PARP8: variants seen among roughly 807,000 people sequenced by gnomAD.
PARP8 encodes protein mono-ADP-ribosyltransferase PARP8.
In PARP8, 51 loss-of-function variants were observed where a neutral mutation model predicts 124.1. The observed-to-expected ratio is 0.41, with a 90% CI of 0.33 to 0.52. The LOEUF is 0.52. Among genes scored for constraint, PARP8 ranks in the 20% least tolerant of loss-of-function variants. The probability of loss-of-function intolerance (pLI) is 0.21; values close to 1 mark genes in which losing one functional copy is unlikely to be tolerated. For synonymous variants in PARP8, 391 were observed against 361.5 expected (o/e 1.08, Z -0.93); for missense variants, 860 against 1,018.9 (o/e 0.84, Z 2.12).
chr5:50,761,633 G>A (rs933055986), intron 5 of PARP8, among the ~76,000 whole-genome samples, 188 bp from the exon 6 acceptor site: 7 of 151,998 alleles, frequency 4.6e-5, no homozygotes, highest in Non-Finnish European at 8.8e-5. Context: ...AAACAGGTGT[G>A]CTGCTGAATA....
chr5:50,818,166 A>G (rs1463292468), intron 15 of PARP8, among the ~76,000 whole-genome samples: 10 of 144,718 alleles, frequency 6.9e-5, no homozygotes, highest in Admixed American at 6.8e-4. Flanking sequence ...GTGGGGAAAT[A>G]TATCATTTAG....
At chr5:50,684,195 C>T (rs1341477109) in intron 2 of PARP8, among the ~76,000 whole-genome samples, 1 of 152,044 alleles carries the variant, frequency 6.6e-6, no homozygotes, top group Non-Finnish European at 1.5e-5. Flanking sequence ...GTCTGATTCT[C>T]TTTGGGTTTG....
At chr5:50,767,457 G>A (rs894144834) in intron 7 of PARP8, among the ~76,000 whole-genome samples, 5 of 152,138 alleles carry the variant, frequency 3.3e-5, no homozygotes, top group South Asian at 2.1e-4. Context: ...CCCAAACCAC[G>A]GGGACATAAT....
rs1463676125 is a variant in PARP8, at chr5:50,714,747, A to G, written c.147-35404A>G. On this transcript the variant is annotated intron_variant, in intron 2 of 25. Transcript: ENST00000281631. ...GAAGGAACCAGGGCTTTCCAACTCT[A>G]TGTGCAGCCTTCCAAGCAGCCCCTG... Among the ~76,000 whole-genome samples the G allele has an allele frequency of 2.0e-5, 3 of 152,166 alleles. No individual in the cohort carries two copies. The South Asian group carries it at 6.2e-4, about 32-fold the overall frequency.
intron 2 of PARP8, among the ~76,000 whole-genome samples, chr5:50,699,334 C>G (rs1336827680): frequency 6.6e-6 from 1 of 152,176 alleles, no homozygotes; most frequent in African/African-American, 2.4e-5. Flanking sequence ...AGTCCGTTCC[C>G]TAAAGGACAT....
At chr5:50,671,795 G>A (rs1750056622) in intron 2 of PARP8, among the ~76,000 whole-genome samples, 1 of 152,014 alleles carries the variant, frequency 6.6e-6, no homozygotes, top group Admixed American at 6.5e-5. Flanking sequence ...GTATGACTCT[G>A]TATAATAATA....
Position 50,731,584 on chromosome 5 carries a change from G to A in PARP8, c.147-18567G>A, listed in dbSNP as rs368996881. ...TTGTAAGGATATATTCATCCTGATC[G>A]TAGTATGATGGGAAATGTTATTTTT... On this transcript the variant is annotated intron_variant, in intron 2 of 25. Transcript: ENST00000281631. 9.9e-5 allele frequency among the ~76,000 whole-genome samples: 15 copies of A among 152,274 alleles called. No individual in the cohort carries two copies. In the South Asian group the frequency reaches 2.7e-3, roughly 27 times the overall value.
rs541719804 is a variant in PARP8, at chr5:50,774,483, C to T, written c.519-3586C>T. ...GCAGAGGCGCTCCTCACTTCCCAGA[C>T]GGGGCGGCCGGGCAGAGGCGCTCCT... On this transcript the variant is annotated intron_variant, in intron 7 of 25. Coordinates refer to ENST00000281631, the MANE Select transcript of PARP8 (RefSeq NM_024615.4). Among the ~76,000 whole-genome samples the T allele has an allele frequency of 3.7e-3, 551 of 147,620 alleles. 1 individual carries two copies. The highest frequency in any genetic ancestry group is 6.6e-3 in the African/African-American group (266 of 40,100).
intron 2 of PARP8, among the ~76,000 whole-genome samples, chr5:50,721,478 G>A (rs750549076): frequency 4.0e-4 from 61 of 152,104 alleles, no homozygotes; most frequent in Non-Finnish European, 7.1e-4. Context: ...AACTGACAGA[G>A]TTGAGAGAGA....
intron 21 of PARP8, among the ~76,000 whole-genome samples, chr5:50,828,775 A>C (rs923052991): frequency 1.3e-5 from 2 of 151,576 alleles, no homozygotes; most frequent in Non-Finnish European, 2.9e-5. Flanking sequence ...GCACATGCCT[A>C]CAATTGAAGC....
chr5:50,710,328 T>A (rs1263632565), intron 2 of PARP8, among the ~76,000 whole-genome samples: 1 of 152,066 alleles, frequency 6.6e-6, no homozygotes, highest in Non-Finnish European at 1.5e-5. Flanking sequence ...CTTTCATGGA[T>A]CTTTTCTTAG....
chr5:50,830,017 T>C, intron 22 of PARP8, 56 bp downstream of exon 22: 2 of 1,578,194 alleles, frequency 1.3e-6, no homozygotes, highest in Non-Finnish European at 1.7e-6. Context: ...ATTTTCTTAT[T>C]GTTTATACTC....
rs1760348793 is a variant in PARP8, at chr5:50,759,698, G to A, written c.240G>A (p.Glu80=). Residue 80 remains glutamate (E), a synonymous_variant, in exon 4 of 26, where the codon GAG becomes GAA. Coordinates refer to ENST00000281631, the MANE Select transcript of PARP8 (RefSeq NM_024615.4). ...ENDEDVLVTT[E]PIPVIFHRIA... ...ATGAAGATGTGCTAGTTACTACAGAGCCAATACCAGTAATTTTTCATAGAA... is the reference window on the plus strand; with the variant it reads ...ATGAAGATGTGCTAGTTACTACAGAACCAATACCAGTAATTTTTCATAGAA... The A allele has an allele frequency of 1.3e-6, 2 of 1,578,462 alleles. No homozygotes were observed. The highest frequency in any genetic ancestry group is 2.8e-5 in the African/African-American group (2 of 71,780).
rs1226607704 is a variant in PARP8, at chr5:50,795,380, T to A, written c.1391T>A (p.Ile464Asn). 6.2e-7 allele frequency: 1 copy of A among 1,604,564 alleles called. No individual in the cohort carries two copies. Among genetic ancestry groups the A allele is most frequent in the Non-Finnish European group, 8.5e-7 (1 of 1,177,260 alleles). Reference sequence around the variant, plus strand: ...TCTCTTACCTCAGGGCTTATTGGTATCCTAACACCATCTTCATCTTCATCT... The same window carrying A: ...TCTCTTACCTCAGGGCTTATTGGTAACCTAACACCATCTTCATCTTCATCT... The part of the protein sequence containing the change: ...RLSLTSGLIG[I>N]LTPSSSSSSQ... The change falls in exon 12 of 26, where the codon ATC (isoleucine) becomes AAC (asparagine). Residue 464 changes from isoleucine to asparagine, a missense_variant. Ile to Asn is a moderately radical substitution (Grantham distance 149, BLOSUM62 -3). Around this residue, in one of 2 missense-constraint regions of PARP8, gnomAD observed 343 missense variants for 474.7 expected, o/e 0.72. Coordinates refer to ENST00000281631, the MANE Select transcript of PARP8 (RefSeq NM_024615.4).
At chr5:50,751,661 G>A (rs1450421555) in intron 3 of PARP8, among the ~76,000 whole-genome samples, 3 of 152,010 alleles carry the variant, frequency 2.0e-5, no homozygotes, top group Non-Finnish European at 4.4e-5. Context: ...GCAGAACAGG[G>A]CAGTTTATAA....
intron 3 of PARP8, 53 bp from the exon 4 acceptor site, chr5:50,759,590 G>A (rs1330555249): frequency 2.7e-6 from 4 of 1,474,922 alleles, no homozygotes; most frequent in South Asian, 2.8e-5. Flanking sequence ...TTTTGTAAAG[G>A]ATGTATTTTT....
At chr5:50,750,589 A>T (rs1207764933) in intron 3 of PARP8, among the ~76,000 whole-genome samples, 1 of 152,022 alleles carries the variant, frequency 6.6e-6, no homozygotes, top group African/African-American at 2.4e-5. Context: ...TTTTCTTTTT[A>T]GTATTAAAAA....
chr5:50,681,310 T>A (rs1036797632), intron 2 of PARP8, among the ~76,000 whole-genome samples: 1 of 152,104 alleles, frequency 6.6e-6, no homozygotes, highest in Admixed American at 6.6e-5. Context: ...CTTGTTTTGT[T>A]TTTTGGATTT....
chr5:50,667,805 G>C (rs368538543), intron 1 of PARP8: 2 of 1,010,428 alleles, frequency 2.0e-6, no homozygotes, highest in South Asian at 1.4e-5. Flanking sequence ...GCCCGGCTGA[G>C]GCTGCTTCCG....
Sources: gnomAD v4.1 joint callset for allele counts (sites outside exome capture counted in the v4.1 genomes callset) on GRCh38, gnomAD v4.1.1 for gene constraint, gnomAD v4.1.1 regional missense constraint, MANE v1.5 for transcripts, NCBI Gene and HGNC (gene_info 2026-07-23, HGNC 2026-07-21) for gene names.